KATNAL2: variants seen among roughly 807,000 people sequenced by gnomAD.
The protein encoded by KATNAL2 is katanin catalytic subunit A1 like 2.
A neutral mutation model predicts 76.3 loss-of-function variants in KATNAL2; 52 were observed. The observed-to-expected ratio is 0.68, with a 90% CI of 0.55 to 0.86. KATNAL2 has a LOEUF of 0.86. Among genes scored for constraint, KATNAL2 ranks in the 40% least tolerant of loss-of-function variants. KATNAL2 has a pLI of 0.00. For missense variants in KATNAL2, 660 were observed against 668.9 expected, an observed-to-expected ratio of 0.99 and a Z score of 0.15; for synonymous variants, 243 against 244.2, an observed-to-expected ratio of 1.00 and a Z score of 0.05.
chr18:47,084,162 C>T (rs542812343), intron 15 of KATNAL2, among the ~76,000 whole-genome samples: 13 of 152,276 alleles, frequency 8.5e-5, no homozygotes, highest in African/African-American at 2.9e-4. Flanking sequence ...CTTCTTTTTT[C>T]AGCCAAATTT....
intron 1 of KATNAL2, among the ~76,000 whole-genome samples, chr18:46,933,042 C>T (rs1481949977): frequency 1.3e-5 from 2 of 152,090 alleles, no homozygotes; most frequent in Non-Finnish European, 2.9e-5. Context: ...GGATTACAGG[C>T]GTTAGCCACT....
At chr18:47,031,367 C>T (rs533458196) in intron 3 of KATNAL2, among the ~76,000 whole-genome samples, 4 of 151,982 alleles carry the variant, frequency 2.6e-5, no homozygotes, top group South Asian at 4.2e-4. Context: ...CTGTCGTTGG[C>T]AGTTTCGCGT....
rs181928884 is a variant in KATNAL2, at chr18:47,070,320, C to T, written c.1008+720C>T. ...TTCATCATGTTGGCCAGGATGGTCT[C>T]GAACTCCTGATCTCAGGTGATCTGC... On this transcript the variant is annotated intron_variant, in intron 13 of 17. Transcript: ENST00000683218. 4.6e-5 allele frequency among the ~76,000 whole-genome samples: 7 copies of T among 152,110 alleles called. No individual in the cohort carries two copies. The East Asian group carries it at 7.7e-4, about 17-fold the overall frequency.
intron 15 of KATNAL2, among the ~76,000 whole-genome samples, chr18:47,095,521 T>C (rs2063192198): frequency 6.6e-6 from 1 of 152,220 alleles, no homozygotes; most frequent in Admixed American, 6.5e-5. Context: ...GTCAGTTTCT[T>C]GAGGCCATGT....
chr18:47,071,054 C>T (rs1463377152), intron 13 of KATNAL2, among the ~76,000 whole-genome samples: 1 of 152,082 alleles, frequency 6.6e-6, no homozygotes, highest in African/African-American at 2.4e-5. Context: ...TTTTTTTCAA[C>T]AAAATACAGT....
At chr18:47,047,154 C>G (rs748120830) in intron 4 of KATNAL2, among the ~76,000 whole-genome samples, 31 of 152,150 alleles carry the variant, frequency 2.0e-4, no homozygotes, top group Non-Finnish European at 4.0e-4. Context: ...TTCCTGAGCT[C>G]AAATGATCAG....
chr18:46,965,586 C>A (rs1259753936), intron 3 of KATNAL2, among the ~76,000 whole-genome samples: 3 of 87,588 alleles, frequency 3.4e-5, no homozygotes, highest in East Asian at 3.3e-4. Context: ...TCCCCGCCCC[C>A]CCCCCCCCGC....
intron 3 of KATNAL2, among the ~76,000 whole-genome samples, chr18:46,951,677 A>G (rs913075831): frequency 5.3e-5 from 8 of 152,290 alleles, no homozygotes; most frequent in Middle Eastern, 3.4e-3. Context: ...CAAAGTATCT[A>G]TGAAACTTCT....
At chr18:46,927,022 T>C (rs1009766792) in intron 1 of KATNAL2, among the ~76,000 whole-genome samples, 1 of 152,202 alleles carries the variant, frequency 6.6e-6, no homozygotes, top group Non-Finnish European at 1.5e-5. Flanking sequence ...CGCTGATGGG[T>C]CTTGACTTTT....
intron 4 of KATNAL2, among the ~76,000 whole-genome samples, chr18:47,049,930 G>A (rs147030901): frequency 1.8e-4 from 27 of 152,214 alleles, no homozygotes; most frequent in Middle Eastern, 3.4e-3. Context: ...ATGGAATCTC[G>A]CTATGTAGAC....
chr18:46,932,894 A>T (rs1056665163), intron 1 of KATNAL2, among the ~76,000 whole-genome samples: 1 of 151,646 alleles, frequency 6.6e-6, no homozygotes, highest in African/African-American at 2.4e-5. Context: ...CCTCCTTAGT[A>T]ACTGGGATTA....
At chr18:46,957,957 A>G (rs376885983) in intron 3 of KATNAL2, among the ~76,000 whole-genome samples, 1 of 151,934 alleles carries the variant, frequency 6.6e-6, no homozygotes, top group African/African-American at 2.4e-5. Flanking sequence ...CAGCCTCCCA[A>G]AGTGCTGGGA....
chr18:46,931,190 C>T (rs1033111474), intron 1 of KATNAL2, among the ~76,000 whole-genome samples: 2 of 149,538 alleles, frequency 1.3e-5, no homozygotes, highest in Non-Finnish European at 3.0e-5. Flanking sequence ...GTACTAGCTA[C>T]TTGGGAGGCT....
intron 3 of KATNAL2, among the ~76,000 whole-genome samples, chr18:46,952,812 CCTTT>C (rs893683609): frequency 6.6e-6 from 1 of 151,666 alleles, no homozygotes; most frequent in African/African-American, 2.4e-5. Context: ...TTCCTGCCTG[CCTTT>C]CTTTTTCTTT....
intron 15 of KATNAL2, among the ~76,000 whole-genome samples, chr18:47,097,049 G>A (rs980602250): frequency 1.3e-5 from 2 of 150,026 alleles, no homozygotes; most frequent in African/African-American, 4.9e-5. Context: ...AGTCCAGGAG[G>A]TGTAGGTTGC....
chr18:47,034,542 T>G, intron 3 of KATNAL2: 1 of 1,614,200 alleles, frequency 6.2e-7, no homozygotes, highest in East Asian at 2.2e-5. Flanking sequence ...AGTGCCAATC[T>G]CCCTGGGCAC....
At chr18:46,941,774 T>TGGA (rs2059253554) in intron 1 of KATNAL2, among the ~76,000 whole-genome samples, 1 of 152,222 alleles carries the variant, frequency 6.6e-6, no homozygotes, top group Non-Finnish European at 1.5e-5. Context: ...GTTTTCCAAC[T>TGGA]GTTACACATA....
At chr18:46,937,035 G>C (rs180968060) in intron 1 of KATNAL2, among the ~76,000 whole-genome samples, 1 of 152,132 alleles carries the variant, frequency 6.6e-6, no homozygotes, top group African/African-American at 2.4e-5. Context: ...GGTTTGTGAG[G>C]AACTGCTAAA....
chr18:47,074,501 G>T (rs1480122609), intron 13 of KATNAL2, among the ~76,000 whole-genome samples: 3 of 152,084 alleles, frequency 2.0e-5, no homozygotes, highest in African/African-American at 7.2e-5. Flanking sequence ...GTGAAGGATT[G>T]TATATGATGC....
Sources: allele counts gnomAD v4.1 joint callset (sites outside exome capture counted in the v4.1 genomes callset), GRCh38; gene constraint gnomAD v4.1.1; transcripts MANE v1.5; gene names NCBI Gene and HGNC (gene_info 2026-07-23, HGNC 2026-07-21).